The following ARID4B variants were observed in gnomAD, a reference collection of about 807,000 sequenced individuals.
ARID4B encodes AT-rich interactive domain-containing protein 4B.
ARID4B carries 26 observed loss-of-function variants against 147.5 expected under a neutral mutation model. The observed-to-expected ratio is 0.18, with a 90% CI of 0.13 to 0.24. The LOEUF is 0.24. ARID4B is among the 10% of genes least tolerant of loss of function. The pLI is 1.00. For synonymous variants in ARID4B, 512 were observed against 507.9 expected, an observed-to-expected ratio of 1.01 and a Z score of -0.11; for missense variants, 1,179 against 1,511.5, an observed-to-expected ratio of 0.78 and a Z score of 3.65.
intron 6 of ARID4B, among the ~76,000 whole-genome samples, chr1:235,247,048 T>A (rs916529150): frequency 3.3e-5 from 5 of 152,218 alleles, no homozygotes; most frequent in African/African-American, 1.2e-4. Context: ...TAATAAAATG[T>A]AACATTAATT....
intron 2 of ARID4B, among the ~76,000 whole-genome samples, chr1:235,303,719 ACC>A (rs1673351129): frequency 6.6e-6 from 1 of 152,206 alleles, no homozygotes; most frequent in Non-Finnish European, 1.5e-5. Context: ...ACACAGCGAG[ACC>A]CTGTCTAAAA....
chr1:235,201,746 C>T (rs577137703), intron 17 of ARID4B, among the ~76,000 whole-genome samples: 3 of 151,920 alleles, frequency 2.0e-5, no homozygotes, highest in Admixed American at 1.3e-4. Context: ...CAGCTGGGCA[C>T]GGTGGCGCAT....
intron 16 of ARID4B, among the ~76,000 whole-genome samples, chr1:235,219,211 C>T (rs551527564): frequency 2.6e-5 from 4 of 152,050 alleles, no homozygotes; most frequent in African/African-American, 9.6e-5. Flanking sequence ...TTAAATGAGA[C>T]ACTAACAGAT....
chr1:235,192,227 G>C (rs770165755), intron 19 of ARID4B, among the ~76,000 whole-genome samples: 2 of 140,596 alleles, frequency 1.4e-5, no homozygotes, highest in Admixed American at 7.1e-5. Flanking sequence ...GACATACTAC[G>C]AAGTAAAATA....
intron 2 of ARID4B, among the ~76,000 whole-genome samples, chr1:235,275,062 A>T (rs1671234200): frequency 6.6e-6 from 1 of 152,094 alleles, no homozygotes; most frequent in African/African-American, 2.4e-5. Flanking sequence ...ATGACTATGC[A>T]CATATGAGGG....
At chr1:235,278,568 T>A (rs1269684830) in intron 2 of ARID4B, among the ~76,000 whole-genome samples, 1 of 152,174 alleles carries the variant, frequency 6.6e-6, no homozygotes, top group Non-Finnish European at 1.5e-5. Context: ...CCAGGTGATA[T>A]GAGGAAGATT....
intron 2 of ARID4B, among the ~76,000 whole-genome samples, chr1:235,287,560 A>G (rs770237049): frequency 9.9e-5 from 15 of 152,204 alleles, no homozygotes; most frequent in Admixed American, 2.0e-4. Flanking sequence ...AGTAATAAAC[A>G]TGCATCACAT....
rs1664360130 is a variant in ARID4B at position 235,182,190 on chromosome 1, T to C, written c.2729A>G (p.Asn910Ser). The C allele has an allele frequency of 6.2e-7, 1 of 1,614,048 alleles. No homozygotes were observed. The highest frequency in any genetic ancestry group is 8.5e-7 in the Non-Finnish European group (1 of 1,180,016). The change falls in exon 20 of 24, where the codon AAT (asparagine) becomes AGT (serine). Residue 910 changes from asparagine to serine, a missense_variant. Physicochemically the swap from Asn to Ser is conservative, Grantham distance 46. Transcript: ENST00000264183. ...GTTTTGAAGTCTTTCATCAGAGTTA[T>C]TTAAAAGTTTAATCCTTTTTTCTGC... ...EVAEKRIKLL[N>S]NSDERLQNSR...
rs527400329 is a variant in ARID4B, at chr1:235,267,235, A to G, written c.7-6483T>C. ...GGAGGCTGCAGTGAGCCATGACTGC[A>G]ACACGGCACTCCAGCCGGGTTGACA... is the stretch of plus-strand genomic sequence containing the variant. On this transcript the variant is annotated intron_variant, in intron 2 of 23. Coordinates refer to ENST00000264183, the MANE Select transcript of ARID4B (RefSeq NM_016374.6). Among the ~76,000 whole-genome samples the G allele has an allele frequency of 5.3e-4, 81 of 152,292 alleles. 1 individual carries two copies. The highest frequency in any genetic ancestry group is 1.8e-3 in the African/African-American group (74 of 41,574).
intron 2 of ARID4B, among the ~76,000 whole-genome samples, chr1:235,282,525 A>G (rs956457956): frequency 4.6e-5 from 7 of 152,202 alleles, no homozygotes; most frequent in African/African-American, 1.7e-4. Flanking sequence ...GGTGAAAACT[A>G]TTATAAATAT....
chr1:235,180,097 A>T (rs1288201666), intron 20 of ARID4B: 1 of 149,070 alleles, frequency 6.7e-6, no homozygotes, highest in East Asian at 1.9e-4. Flanking sequence ...GAAAACCTAT[A>T]ACAATAAAAC....
At chr1:235,175,526 GA>G (rs770445291) in intron 21 of ARID4B, 127 bp from the exon 22 acceptor site, 14 of 717,842 alleles carry the variant, frequency 2.0e-5, no homozygotes, top group Non-Finnish European at 2.9e-5. Context: ...TAGAAACCTG[GA>G]AAATCATATA....
intron 2 of ARID4B, among the ~76,000 whole-genome samples, chr1:235,305,789 T>C (rs1029015443): frequency 6.6e-6 from 1 of 152,026 alleles, no homozygotes; most frequent in Non-Finnish European, 1.5e-5. Context: ...TGAGACCCTG[T>C]CTCTATGAAA....
chr1:235,321,519 CTTTT>C (rs1414000072), intron 2 of ARID4B, among the ~76,000 whole-genome samples: 3 of 152,116 alleles, frequency 2.0e-5, no homozygotes, highest in South Asian at 4.1e-4. Flanking sequence ...AATTCTACTT[CTTTT>C]AAGACAGACT....
chr1:235,316,464 G>A (rs1161570068), intron 2 of ARID4B, among the ~76,000 whole-genome samples: 4 of 151,960 alleles, frequency 2.6e-5, no homozygotes, highest in Non-Finnish European at 5.9e-5. Context: ...AGCCAAGATC[G>A]CACTACTGCA....
intron 2 of ARID4B, among the ~76,000 whole-genome samples, chr1:235,287,028 GGTGGGTGAATCATTTGAGGT>G (rs559034787): frequency 1.3e-5 from 2 of 152,306 alleles, no homozygotes; most frequent in Admixed American, 1.3e-4. Context: ...GGGAGGGTGA[GGTGGGTGAATCATTTGAGGT>G]CAGGAGTTAG....
intron 17 of ARID4B, among the ~76,000 whole-genome samples, chr1:235,201,985 T>A (rs1261709926): frequency 6.6e-6 from 1 of 151,064 alleles, no homozygotes; most frequent in Non-Finnish European, 1.5e-5. Context: ...GTAGACTGGG[T>A]TGTTATTTTA....
At chr1:235,196,401 C>A (rs968135797) in intron 17 of ARID4B, among the ~76,000 whole-genome samples, 47 of 152,206 alleles carry the variant, frequency 3.1e-4, no homozygotes, top group African/African-American at 1.1e-3. Flanking sequence ...CAAAGAGAAA[C>A]TGAATCTGTA....
chr1:235,199,706 G>C (rs1274839332), intron 17 of ARID4B, among the ~76,000 whole-genome samples: 1 of 152,162 alleles, frequency 6.6e-6, no homozygotes, highest in Non-Finnish European at 1.5e-5. Context: ...TAACATGTGA[G>C]AATTTTGGTT....
Sources: gnomAD v4.1 joint callset for allele counts (sites outside exome capture counted in the v4.1 genomes callset) on GRCh38, gnomAD v4.1.1 for gene constraint, MANE v1.5 for transcripts, NCBI Gene and HGNC (gene_info 2026-07-23, HGNC 2026-07-21) for gene names.